The following PLCE1 variants were observed in gnomAD, a reference collection of about 807,000 sequenced individuals.
The protein encoded by PLCE1 is phospholipase C epsilon 1.
Under a neutral mutation model 242.8 loss-of-function variants are expected in PLCE1, and 119 were observed. That is an observed-to-expected ratio of 0.49 (90% CI 0.42 to 0.57). The LOEUF (loss-of-function observed/expected upper bound fraction) is 0.57, where lower values mean the gene tolerates loss of function less well. Among genes scored for constraint, PLCE1 ranks in the 20% least tolerant of loss-of-function variants. The probability of loss-of-function intolerance (pLI) is 0.00; values close to 1 mark genes in which losing one functional copy is unlikely to be tolerated. For missense variants in PLCE1, 2,441 were observed against 2,788.8 expected, an observed-to-expected ratio of 0.88 and a Z score of 2.81; for synonymous variants, 945 against 1,017.4, an observed-to-expected ratio of 0.93 and a Z score of 1.35.
At chr10:94,121,288 C>T (rs2046290040) in intron 2 of PLCE1, among the ~76,000 whole-genome samples, 2 of 152,284 alleles carry the variant, frequency 1.3e-5, no homozygotes, top group Middle Eastern at 3.4e-3. Context: ...CCCAGGAGGG[C>T]AGAGGTTGGC....
intron 2 of PLCE1, among the ~76,000 whole-genome samples, chr10:94,071,495 G>GTTTTTTCT (rs2044352290): frequency 1.2e-5 from 1 of 83,316 alleles, no homozygotes; most frequent in African/African-American, 5.4e-5. Context: ...TTTGGTTTTC[G>GTTTTTTCT]TTTTTTTTTT....
chr10:94,273,784 C>A, intron 19 of PLCE1, 64 bp downstream of exon 19: 2 of 1,407,418 alleles, frequency 1.4e-6, no homozygotes, highest in Non-Finnish European at 2.0e-6. Context: ...AAAATAACAT[C>A]ATTCTAACCT....
At chr10:94,131,344 G>A (rs2046592855) in intron 2 of PLCE1, among the ~76,000 whole-genome samples, 1 of 152,198 alleles carries the variant, frequency 6.6e-6, no homozygotes, top group African/African-American at 2.4e-5. Context: ...TCCTGCAGCA[G>A]CACAAGAGGT....
chr10:94,165,424 C>T (rs555295842), intron 3 of PLCE1, among the ~76,000 whole-genome samples: 7 of 152,272 alleles, frequency 4.6e-5, no homozygotes, highest in South Asian at 2.1e-4. Context: ...TAGGACCCTC[C>T]GAGCCAGGCG....
chr10:94,236,213 A>G, intron 7 of PLCE1, 93 bp downstream of exon 7: 1 of 1,025,778 alleles, frequency 9.7e-7, no homozygotes, highest in Non-Finnish European at 1.5e-6. Context: ...TCAGATGGAC[A>G]CCTCATCAAA....
In PLCE1 at chr10:94,332,194, T is replaced by C. The variant is rs1271961478; in HGVS notation, c.*4251T>C. The C allele has an allele frequency of 6.6e-6, 1 of 152,196 alleles. No homozygotes were observed. Among genetic ancestry groups the C allele is most frequent in the Admixed American group, 6.5e-5 (1 of 15,280 alleles). 9.4% of individuals were successfully genotyped at this position (152,196 alleles called of 1,614,324 possible). A position where few individuals can be genotyped will look rare whatever the true frequency, so the allele number is the denominator to read the frequency against. ...TACCTACTCTTATACATCTCTTAGA[T>C]TCAAAACATACTATGCACAAGCCTG... On this transcript the variant is annotated 3_prime_UTR_variant, in exon 33 of 33. Coordinates refer to ENST00000371380, the MANE Select transcript of PLCE1 (RefSeq NM_016341.4).
intron 21 of PLCE1, among the ~76,000 whole-genome samples, chr10:94,284,143 C>T (rs1385569777): frequency 2.6e-5 from 4 of 152,176 alleles, no homozygotes; most frequent in Non-Finnish European, 4.4e-5. Flanking sequence ...GTGGCAGGTA[C>T]TGAAGTGGCA....
At chr10:94,072,467 C>T (rs750943598) in intron 2 of PLCE1, among the ~76,000 whole-genome samples, 17 of 151,874 alleles carry the variant, frequency 1.1e-4, no homozygotes, top group Non-Finnish European at 2.5e-4. Flanking sequence ...TTAATAGAGA[C>T]GGGATTTCAC....
Position 94,298,398 on chromosome 10 carries a change from A to G in PLCE1, c.5187A>G (p.Arg1729=). 1 of 1,614,180 alleles carries G rather than the reference A, an allele frequency of 6.2e-7. No homozygotes were observed. The highest frequency in any genetic ancestry group is 1.3e-5 in the African/African-American group (1 of 75,050). ...TSGKSSCEGI[R]QTWEESSSPL... Reference sequence around the variant, plus strand: ...GTTTAGGTTCCTGTGAAGGCATTCGACAGACCTGGGAGGAATCTTCTTCCC... The same window carrying G: ...GTTTAGGTTCCTGTGAAGGCATTCGGCAGACCTGGGAGGAATCTTCTTCCC... The change falls in exon 24 of 33, where the codon CGA becomes CGG. Residue 1729 remains arginine, a synonymous_variant. Coordinates refer to ENST00000371380, the MANE Select transcript of PLCE1 (RefSeq NM_016341.4). This position sits in a 1 kb window ranked among gnomAD's most constrained non-coding sequence, Gnocchi z 5.2.
chr10:94,279,181 C>A lies in PLCE1; in HGVS notation c.4666-601C>A, dbSNP rs571331290. The A allele has an allele frequency of 3.2e-5, 5 of 157,822 alleles. No homozygotes were observed. The East Asian group carries it at 7.5e-4, about 24-fold the overall frequency. 9.8% of individuals were successfully genotyped at this position (157,822 alleles called of 1,614,324 possible). On this transcript the variant is annotated intron_variant, in intron 19 of 32. Transcript: ENST00000371380. ...TGATGCTTATCACTTCACAGTAATT[C>A]CAGTAAACACGGAGTATGTGACCTC...
chr10:94,190,800 G>A (rs2048636635), intron 4 of PLCE1, among the ~76,000 whole-genome samples: 1 of 152,352 alleles, frequency 6.6e-6, no homozygotes, highest in East Asian at 1.9e-4. Context: ...ATCTTTAAAT[G>A]GATGCCTACT....
At position 94,250,131 on chromosome 10, in the gene PLCE1, C is replaced by CAAA. The variant is rs34113881; in HGVS notation, c.3097-2168_3097-2166dup. Among the ~76,000 whole-genome samples, 889 of 95,644 alleles carry CAAA rather than the reference C, an allele frequency of 9.3e-3. 11 individuals carry two copies. Among genetic ancestry groups the CAAA allele is most frequent in the African/African-American group, 0.033 (829 of 25,246 alleles). 62.7% of individuals were successfully genotyped at this position (95,644 alleles called of 152,430 possible). On this transcript the variant is annotated intron_variant, in intron 8 of 32. Transcript: ENST00000371380. ...TGGGCAAGAGTGCGAGACTCTGTCT[C>CAAA]AAAAAAAAAAAAAAAAAAACTGTTT...
At chr10:94,168,110 T>C (rs1192012044) in intron 3 of PLCE1, among the ~76,000 whole-genome samples, 2 of 152,198 alleles carry the variant, frequency 1.3e-5, no homozygotes, top group Admixed American at 1.3e-4. Flanking sequence ...TGAACTTTGC[T>C]TCATGGATCA....
intron 20 of PLCE1, among the ~76,000 whole-genome samples, chr10:94,282,158 G>A (rs1289994437): frequency 6.8e-6 from 1 of 147,984 alleles, no homozygotes. Context: ...TAAAGTCAGG[G>A]TGCCCGGTTT....
At chr10:94,034,420 T>C (rs1412077221) in intron 2 of PLCE1, among the ~76,000 whole-genome samples, 2 of 152,236 alleles carry the variant, frequency 1.3e-5, no homozygotes, top group African/African-American at 2.4e-5. Flanking sequence ...ACACTTTTAT[T>C]GCTAAGCAAA....
chr10:94,181,979 C>G (rs530934996), intron 4 of PLCE1, among the ~76,000 whole-genome samples: 2 of 152,136 alleles, frequency 1.3e-5, no homozygotes, highest in Non-Finnish European at 2.9e-5. Context: ...ATGCTACCAA[C>G]ACACCAATAG....
intron 8 of PLCE1, among the ~76,000 whole-genome samples, chr10:94,248,848 A>T (rs1360087564): frequency 6.6e-6 from 1 of 152,154 alleles, no homozygotes; most frequent in Non-Finnish European, 1.5e-5. Context: ...TCTGCTTCTC[A>T]AGCTTATAGC....
At chr10:94,069,126 T>C (rs571227201) in intron 2 of PLCE1, among the ~76,000 whole-genome samples, 2 of 152,370 alleles carry the variant, frequency 1.3e-5, no homozygotes, top group South Asian at 2.1e-4. Context: ...TCCTAGCCTA[T>C]GCTATAATTT....
chr10:94,157,010 T>G (rs1057118287), intron 3 of PLCE1, among the ~76,000 whole-genome samples: 4 of 152,196 alleles, frequency 2.6e-5, no homozygotes, highest in South Asian at 2.1e-4. Flanking sequence ...TGGTGTTTTT[T>G]GGGGGGCGAG....
Sources: allele counts gnomAD v4.1 joint callset (sites outside exome capture counted in the v4.1 genomes callset), GRCh38; gene constraint gnomAD v4.1.1; non-coding constraint Gnocchi (gnomAD v3.1); transcripts MANE v1.5; gene names NCBI Gene and HGNC (gene_info 2026-07-23, HGNC 2026-07-21).